MARCHF1: variants seen among roughly 807,000 people sequenced by gnomAD.
The protein encoded by MARCHF1 is E3 ubiquitin-protein ligase MARCHF1.
In MARCHF1, 40 loss-of-function variants were observed where a neutral mutation model predicts 54.2. That is an observed-to-expected ratio of 0.74 (90% CI 0.57 to 0.96). The LOEUF (loss-of-function observed/expected upper bound fraction) is 0.96, where lower values mean the gene tolerates loss of function less well. Among genes scored for constraint, MARCHF1 ranks in the 40% least tolerant of loss-of-function variants. The probability of loss-of-function intolerance (pLI) is 0.00; values close to 1 mark genes in which losing one functional copy is unlikely to be tolerated. For synonymous variants in MARCHF1, 236 were observed against 236.3 expected, an observed-to-expected ratio of 1.00 and a Z score of 0.01; for missense variants, 586 against 656.5, an observed-to-expected ratio of 0.89 and a Z score of 1.17.
intron 1 of MARCHF1, among the ~76,000 whole-genome samples, chr4:164,352,634 C>G (rs1271063870): frequency 6.6e-6 from 1 of 150,444 alleles, no homozygotes; most frequent in African/African-American, 2.4e-5. Context: ...AAAGGAACAA[C>G]CGGTACCAGC....
chr4:163,773,716 T>C (rs905301264), intron 4 of MARCHF1, among the ~76,000 whole-genome samples: 11 of 152,188 alleles, frequency 7.2e-5, no homozygotes, highest in African/African-American at 2.7e-4. Flanking sequence ...CTCAAGGGGA[T>C]GTTCTTTAGG....
At chr4:163,808,963 A>G (rs1164537321) in intron 4 of MARCHF1, among the ~76,000 whole-genome samples, 1 of 152,166 alleles carries the variant, frequency 6.6e-6, no homozygotes, top group Non-Finnish European at 1.5e-5. Flanking sequence ...TCTATTTCAT[A>G]CAGAGTTGGG....
At position 163,612,167 on chromosome 4, in the gene MARCHF1, T is replaced by C. The variant is rs575502443; in HGVS notation, c.1010+104A>G. The C allele has an allele frequency of 4.0e-6, 4 of 1,009,836 alleles. No homozygotes were observed. In the East Asian group the frequency reaches 1.1e-4, roughly 28 times the overall value. 62.6% of individuals were successfully genotyped at this position (1,009,836 alleles called of 1,614,324 possible). On this transcript the variant is annotated intron_variant, in intron 7 of 9. Coordinates refer to ENST00000514618, the MANE Select transcript of MARCHF1 (RefSeq NM_001394959.1). ...ATATCCAATCAGAAAAAGAACAATG[T>C]AAATAAATGTTAAGTTTTGAGGGTA...
chr4:163,558,162 A>G (rs1739350959), intron 8 of MARCHF1, among the ~76,000 whole-genome samples: 1 of 152,174 alleles, frequency 6.6e-6, no homozygotes, highest in Non-Finnish European at 1.5e-5. Context: ...AAGAGTGGGC[A>G]GGACCAGATG....
At chr4:163,604,367 T>C (rs913152655) in intron 7 of MARCHF1, among the ~76,000 whole-genome samples, 1 of 152,170 alleles carries the variant, frequency 6.6e-6, no homozygotes, top group African/African-American at 2.4e-5. Context: ...ACCTACCCAG[T>C]GTTCTAAATC....
intron 1 of MARCHF1, among the ~76,000 whole-genome samples, chr4:164,274,656 A>G (rs1412146771): frequency 3.0e-5 from 3 of 100,868 alleles, no homozygotes; most frequent in African/African-American, 1.2e-4. Context: ...GCTTCAGGGT[A>G]CACTTTTTTT....
intron 1 of MARCHF1, among the ~76,000 whole-genome samples, chr4:164,266,340 T>C (rs990287056): frequency 3.3e-5 from 5 of 152,206 alleles, no homozygotes; most frequent in African/African-American, 4.8e-5. Flanking sequence ...TCAAGAGAGA[T>C]ATCTGACATG....
intron 1 of MARCHF1, among the ~76,000 whole-genome samples, chr4:164,279,974 T>G (rs1733986058): frequency 6.6e-6 from 1 of 151,982 alleles, no homozygotes; most frequent in Non-Finnish European, 1.5e-5. Flanking sequence ...TTTAAAAACT[T>G]CATTTTTAGA....
At chr4:163,660,258 A>G (rs1012679538) in intron 5 of MARCHF1, among the ~76,000 whole-genome samples, 2 of 152,114 alleles carry the variant, frequency 1.3e-5, no homozygotes, top group African/African-American at 4.8e-5. Context: ...TTGCAGGGAC[A>G]TGGATGAAGG....
intron 1 of MARCHF1, among the ~76,000 whole-genome samples, chr4:164,362,420 G>C (rs956308868): frequency 6.6e-6 from 1 of 152,028 alleles, no homozygotes; most frequent in East Asian, 1.9e-4. Flanking sequence ...ATGAGTCCAG[G>C]GGGTACATGA....
chr4:164,325,172 T>C (rs1735240450), intron 1 of MARCHF1, among the ~76,000 whole-genome samples: 1 of 151,614 alleles, frequency 6.6e-6, no homozygotes, highest in South Asian at 2.1e-4. Context: ...GTATAGGTAA[T>C]AATCAAAGAT....
rs139865902 is a variant in MARCHF1 at position 164,132,660 on chromosome 4, G to A, written c.-322-20998C>T. 6.1e-3 allele frequency among the ~76,000 whole-genome samples: 921 copies of A among 152,054 alleles called. 7 individuals carry two copies. The highest frequency in any genetic ancestry group is 0.021 in the African/African-American group (862 of 41,470). On this transcript the variant is annotated intron_variant, in intron 1 of 9. Transcript: ENST00000514618. ...AATATCCTGTTCTCCACTGACCATC[G>A]ACATAATGGCTTTAGTGTTTACTGA...
intron 5 of MARCHF1, among the ~76,000 whole-genome samples, chr4:163,625,541 G>A (rs1741838900): frequency 1.3e-5 from 2 of 152,132 alleles, no homozygotes; most frequent in African/African-American, 4.8e-5. Flanking sequence ...AACTGACCTG[G>A]GTAAATCCTA....
chr4:163,894,601 T>C (rs1306089874), intron 3 of MARCHF1, among the ~76,000 whole-genome samples: 2 of 145,164 alleles, frequency 1.4e-5, no homozygotes, highest in South Asian at 2.1e-4. Context: ...TATATGCATG[T>C]GATGCATATA....
chr4:164,002,496 T>G (rs1753205765), intron 2 of MARCHF1, among the ~76,000 whole-genome samples: 1 of 151,254 alleles, frequency 6.6e-6, no homozygotes, highest in Non-Finnish European at 1.5e-5. Flanking sequence ...CCTGAAAACA[T>G]AGCAATAGAT....
chr4:164,101,527 C>T (rs534063038), intron 2 of MARCHF1, among the ~76,000 whole-genome samples: 45 of 129,858 alleles, frequency 3.5e-4, no homozygotes, highest in African/African-American at 8.8e-4. Context: ...TGGCAGGGTA[C>T]TCCAACAGAC....
At chr4:163,529,956 A>T (rs968058976) in intron 9 of MARCHF1, 1 of 152,022 alleles carries the variant, frequency 6.6e-6, no homozygotes, top group Non-Finnish European at 1.5e-5. Flanking sequence ...AGAAAAATAT[A>T]GCTCAGTATG....
At chr4:163,550,906 C>T (rs1345447528) in intron 8 of MARCHF1, among the ~76,000 whole-genome samples, 1 of 152,138 alleles carries the variant, frequency 6.6e-6, no homozygotes, top group Non-Finnish European at 1.5e-5. Flanking sequence ...CTCACGGAAT[C>T]AGAAACTCTG....
chr4:163,542,659 A>G (rs978022629), intron 9 of MARCHF1, among the ~76,000 whole-genome samples: 1 of 152,226 alleles, frequency 6.6e-6, no homozygotes, highest in African/African-American at 2.4e-5. Context: ...ATCCTTAGCC[A>G]GCATCAGAAT....
Sources: gnomAD v4.1 joint callset for allele counts (sites outside exome capture counted in the v4.1 genomes callset) on GRCh38, gnomAD v4.1.1 for gene constraint, MANE v1.5 for transcripts, NCBI Gene and HGNC (gene_info 2026-07-23, HGNC 2026-07-21) for gene names.